The following FNBP1L variants were observed in gnomAD, a reference collection of about 807,000 sequenced individuals.
The protein encoded by FNBP1L is formin-binding protein 1-like.
Under a neutral mutation model 91.2 loss-of-function variants are expected in FNBP1L, and 36 were observed. That is an observed-to-expected ratio of 0.39 (90% CI 0.30 to 0.52). The LOEUF (loss-of-function observed/expected upper bound fraction) is 0.52, where lower values mean the gene tolerates loss of function less well. FNBP1L is among the 20% of genes least tolerant of loss of function. The pLI, the probability that FNBP1L is intolerant of heterozygous loss-of-function variation, is 0.66. For missense variants in FNBP1L, 571 were observed against 732.1 expected, an observed-to-expected ratio of 0.78 and a Z score of 2.54; for synonymous variants, 242 against 237.0, an observed-to-expected ratio of 1.02 and a Z score of -0.19.
chr1:93,480,528 C>G (rs1015568794), intron 1 of FNBP1L, among the ~76,000 whole-genome samples: 1 of 151,980 alleles, frequency 6.6e-6, no homozygotes, highest in Non-Finnish European at 1.5e-5. Context: ...AAGTGTCTTC[C>G]TACTTTCTTG....
At chr1:93,451,512 G>A (rs988680675) in intron 1 of FNBP1L, among the ~76,000 whole-genome samples, 3 of 152,106 alleles carry the variant, frequency 2.0e-5, no homozygotes, top group African/African-American at 7.2e-5. Flanking sequence ...CTGGTAGTTA[G>A]AAGATGGATT....
chr1:93,461,938 C>T (rs1013796700), intron 1 of FNBP1L, among the ~76,000 whole-genome samples: 4 of 152,144 alleles, frequency 2.6e-5, no homozygotes, highest in Admixed American at 6.6e-5. Flanking sequence ...GTGAAGGACT[C>T]GTGTGTCTTA....
chr1:93,481,802 T>C (rs1669714423), intron 1 of FNBP1L, among the ~76,000 whole-genome samples: 1 of 152,066 alleles, frequency 6.6e-6, no homozygotes, highest in African/African-American at 2.4e-5. Flanking sequence ...TTTTAAAAAT[T>C]GGGAAAAAAA....
At chr1:93,473,162 C>A (rs1185804200) in intron 1 of FNBP1L, among the ~76,000 whole-genome samples, 1 of 151,672 alleles carries the variant, frequency 6.6e-6, no homozygotes, top group East Asian at 1.9e-4. Flanking sequence ...GTATCTTGCT[C>A]TGTTATCTTT....
intron 2 of FNBP1L, among the ~76,000 whole-genome samples, chr1:93,516,003 CA>C (rs1671092506): frequency 6.6e-6 from 1 of 152,022 alleles, no homozygotes; most frequent in African/African-American, 2.4e-5. Context: ...GATTTATTCT[CA>C]ATTATATAAA....
At chr1:93,476,400 G>A (rs561753868) in intron 1 of FNBP1L, among the ~76,000 whole-genome samples, 48 of 152,114 alleles carry the variant, frequency 3.2e-4, no homozygotes, top group Non-Finnish European at 6.0e-4. Context: ...ATATATAAAA[G>A]CACTCAACAC....
intron 5 of FNBP1L, among the ~76,000 whole-genome samples, chr1:93,528,034 A>G (rs2101755263): frequency 6.6e-6 from 1 of 152,282 alleles, no homozygotes; most frequent in South Asian, 2.1e-4. Context: ...TAAATACCCC[A>G]GTAGAGCAAA....
intron 10 of FNBP1L, among the ~76,000 whole-genome samples, chr1:93,537,256 T>G (rs237438): frequency 0.54 from 81,540 of 151,870 alleles, 24,038 homozygotes; most frequent in Non-Finnish European, 0.65. Flanking sequence ...TTGGGACATT[T>G]GAAAAACATA....
intron 1 of FNBP1L, among the ~76,000 whole-genome samples, chr1:93,478,493 C>G (rs1259598800): frequency 2.0e-5 from 3 of 152,120 alleles, no homozygotes; most frequent in African/African-American, 7.2e-5. Context: ...CAGCCAGCCT[C>G]AGGATAGTAG....
intron 1 of FNBP1L, among the ~76,000 whole-genome samples, chr1:93,496,063 T>G (rs1341575036): frequency 6.6e-6 from 1 of 152,218 alleles, no homozygotes; most frequent in Non-Finnish European, 1.5e-5. Flanking sequence ...CAGACCAAAG[T>G]CAGTATTCTG....
chr1:93,503,670 T>C (rs1166799802), intron 2 of FNBP1L, among the ~76,000 whole-genome samples: 2 of 152,192 alleles, frequency 1.3e-5, no homozygotes, highest in South Asian at 2.1e-4. Context: ...TTATATGCAA[T>C]TGAATCATGT....
chr1:93,507,089 ACACACACACACACACACACTCTCTCTCT>A (rs1261104896), intron 2 of FNBP1L, among the ~76,000 whole-genome samples: 44 of 131,076 alleles, frequency 3.4e-4, no homozygotes, highest in African/African-American at 1.3e-3. Context: ...ACACACACAC[ACACACACACACACACACACTCTCTCTCT>A]CTCTCTCTCT....
intron 1 of FNBP1L, among the ~76,000 whole-genome samples, chr1:93,491,401 C>T (rs1254202580): frequency 6.7e-6 from 1 of 149,586 alleles, no homozygotes; most frequent in Admixed American, 6.6e-5. Context: ...TTTTTTCCCA[C>T]CCCAAAGAGA....
intron 1 of FNBP1L, among the ~76,000 whole-genome samples, chr1:93,467,478 A>T (rs541482557): frequency 8.5e-5 from 13 of 152,300 alleles, no homozygotes; most frequent in African/African-American, 3.1e-4. Flanking sequence ...GCCAGGGAAT[A>T]GGGGTTGGCA....
Position 93,552,450 on chromosome 1 carries a change from A to C in FNBP1L, c.*34A>C. On this transcript the variant is annotated 3_prime_UTR_variant, in exon 17 of 17. Coordinates refer to ENST00000271234, the MANE Select transcript of FNBP1L (RefSeq NM_001164473.3). ...TCTGAGGAAATGGGCAAGATGTTGA[A>C]GGAGGTTACATGCAGCTGCTTTTGG... 6.2e-7 allele frequency: 1 copy of C among 1,612,036 alleles called. No individual in the cohort carries two copies. The highest frequency in any genetic ancestry group is 8.5e-7 in the Non-Finnish European group (1 of 1,178,974).
intron 1 of FNBP1L, among the ~76,000 whole-genome samples, chr1:93,484,775 A>G (rs1669839897): frequency 1.3e-5 from 2 of 152,226 alleles, no homozygotes; most frequent in African/African-American, 4.8e-5. Flanking sequence ...TGTTAACCCT[A>G]ACTACTGAAT....
At chr1:93,464,617 C>A (rs115393610) in intron 1 of FNBP1L, among the ~76,000 whole-genome samples, 2 of 151,858 alleles carry the variant, frequency 1.3e-5, no homozygotes, top group African/African-American at 4.8e-5. Context: ...ATGTTGTTTT[C>A]TTTTCTACAA....
At chr1:93,541,213 C>T (rs1282030247) in intron 11 of FNBP1L, among the ~76,000 whole-genome samples, 157 bp downstream of exon 11, 1 of 152,054 alleles carries the variant, frequency 6.6e-6, no homozygotes, top group African/African-American at 2.4e-5. Context: ...TGCCAGTACT[C>T]TTGATGTCAT....
chr1:93,544,753 C>T (rs1006836786), intron 12 of FNBP1L, among the ~76,000 whole-genome samples: 10 of 152,094 alleles, frequency 6.6e-5, no homozygotes, highest in Admixed American at 6.5e-4. Context: ...CTTGCTATGT[C>T]TTCACTTACG....
Sources: allele counts gnomAD v4.1 joint callset (sites outside exome capture counted in the v4.1 genomes callset), GRCh38; gene constraint gnomAD v4.1.1; transcripts MANE v1.5; gene names NCBI Gene and HGNC (gene_info 2026-07-23, HGNC 2026-07-21).